ROBO2: variants seen among roughly 807,000 people sequenced by gnomAD.
ROBO2 encodes the protein roundabout guidance receptor 2.
Under a neutral mutation model 160.8 loss-of-function variants are expected in ROBO2, and 53 were observed. The observed-to-expected ratio is 0.33, with a 90% CI of 0.26 to 0.41. ROBO2 has a LOEUF of 0.41. ROBO2 is among the 10% of genes least tolerant of loss of function. The pLI is 1.00. For synonymous variants in ROBO2, 664 were observed against 611.7 expected, an observed-to-expected ratio of 1.09 and a Z score of -1.26; for missense variants, 1,577 against 1,722.4, an observed-to-expected ratio of 0.92 and a Z score of 1.49.
At chr3:76,840,354 A>G (rs913300713) in intron 2 of ROBO2, among the ~76,000 whole-genome samples, 1 of 151,878 alleles carries the variant, frequency 6.6e-6, no homozygotes, top group Non-Finnish European at 1.5e-5. Flanking sequence ...TCATACCTGT[A>G]ATCCCAGCAC....
At chr3:77,508,236 A>T (rs1395519818) in intron 5 of ROBO2, among the ~76,000 whole-genome samples, 1 of 150,512 alleles carries the variant, frequency 6.6e-6, no homozygotes, top group South Asian at 2.1e-4. Context: ...AATGTTGCAA[A>T]GATATCTTTA....
At chr3:77,548,461 A>G (rs761967638) in intron 7 of ROBO2, among the ~76,000 whole-genome samples, 1 of 152,028 alleles carries the variant, frequency 6.6e-6, no homozygotes, top group Non-Finnish European at 1.5e-5. Flanking sequence ...GTGACTTGTT[A>G]TTATATAGCT....
chr3:76,438,806 T>C lies in ROBO2; in HGVS notation c.109+501204T>C, dbSNP rs148181923. Among the ~76,000 whole-genome samples the C allele has an allele frequency of 7.2e-5, 11 of 152,180 alleles. No individual in the cohort carries two copies. In the East Asian group the frequency reaches 1.2e-3, roughly 16 times the overall value. ...TTATCAACTATGCTTTATTTAAATATATACATTCAATGAATAAAGAAAATT... is the reference window on the plus strand; with the variant it reads ...TTATCAACTATGCTTTATTTAAATACATACATTCAATGAATAAAGAAAATT... On this transcript the variant is annotated intron_variant, in intron 2 of 26. Transcript: ENST00000487694.
chr3:76,184,991 A>G (rs1181238825), intron 2 of ROBO2, among the ~76,000 whole-genome samples: 1 of 151,660 alleles, frequency 6.6e-6, no homozygotes, highest in African/African-American at 2.4e-5. Flanking sequence ...TTCATATGCT[A>G]GTCTCCTCTG....
At chr3:76,951,280 C>A (rs191514728) in intron 2 of ROBO2, among the ~76,000 whole-genome samples, 1 of 152,222 alleles carries the variant, frequency 6.6e-6, no homozygotes, top group African/African-American at 2.4e-5. Flanking sequence ...CTTTCCAACA[C>A]ATTTGTACTC....
intron 2 of ROBO2, among the ~76,000 whole-genome samples, chr3:76,274,070 AG>A (rs1185143534): frequency 6.6e-6 from 1 of 152,218 alleles, no homozygotes; most frequent in Non-Finnish European, 1.5e-5. Context: ...CACTTCTTAA[AG>A]GTACCAACTC....
chr3:76,365,741 A>G (rs1239307044), intron 2 of ROBO2, among the ~76,000 whole-genome samples: 1 of 152,076 alleles, frequency 6.6e-6, no homozygotes, highest in Non-Finnish European at 1.5e-5. Context: ...ATTAAATTGA[A>G]TCTTTGAGCT....
At chr3:76,239,564 T>G (rs1705166094) in intron 2 of ROBO2, among the ~76,000 whole-genome samples, 2 of 152,266 alleles carry the variant, frequency 1.3e-5, no homozygotes, top group African/African-American at 4.8e-5. Flanking sequence ...TCTCTTGACC[T>G]TGGGCACATG....
At chr3:77,307,238 G>A (rs941962269) in intron 2 of ROBO2, among the ~76,000 whole-genome samples, 13 of 152,122 alleles carry the variant, frequency 8.5e-5, no homozygotes, top group Non-Finnish European at 1.6e-4. Context: ...CTGGTGAGTT[G>A]TCTCTGACCA....
intron 2 of ROBO2, among the ~76,000 whole-genome samples, chr3:76,906,370 C>A (rs1019388883): frequency 1.3e-5 from 2 of 151,650 alleles, no homozygotes; most frequent in Non-Finnish European, 2.9e-5. Context: ...CATAAAATAA[C>A]TTTAATAAAA....
At chr3:77,265,175 C>T (rs1219764736) in intron 2 of ROBO2, among the ~76,000 whole-genome samples, 2 of 152,110 alleles carry the variant, frequency 1.3e-5, no homozygotes, top group East Asian at 1.9e-4. Context: ...AAAAGAAGGG[C>T]AGGTATCACA....
At chr3:77,616,602 G>A (rs1583304623) in intron 21 of ROBO2, among the ~76,000 whole-genome samples, 1 of 152,142 alleles carries the variant, frequency 6.6e-6, no homozygotes, top group East Asian at 1.9e-4. Flanking sequence ...GTATTTAAGA[G>A]GCTGAATGTA....
At chr3:76,518,113 T>G (rs1484507856) in intron 2 of ROBO2, among the ~76,000 whole-genome samples, 1 of 152,092 alleles carries the variant, frequency 6.6e-6, no homozygotes, top group African/African-American at 2.4e-5. Context: ...CTGTGTCAGT[T>G]AGATATTGTC....
At chr3:77,355,724 CTT>C (rs1169255206) in intron 2 of ROBO2, among the ~76,000 whole-genome samples, 2 of 151,946 alleles carry the variant, frequency 1.3e-5, no homozygotes, top group African/African-American at 2.4e-5. Flanking sequence ...TGAAGAAAAA[CTT>C]ATTCATCAAA....
intron 2 of ROBO2, among the ~76,000 whole-genome samples, chr3:77,000,952 A>G (rs1024496730): frequency 1.3e-5 from 2 of 152,278 alleles, no homozygotes; most frequent in Admixed American, 6.5e-5. Flanking sequence ...ATGACATGCT[A>G]TGAGTCTTAA....
chr3:77,407,923 C>T (rs998345373), intron 2 of ROBO2, among the ~76,000 whole-genome samples: 4 of 152,072 alleles, frequency 2.6e-5, no homozygotes, highest in Admixed American at 6.6e-5. Context: ...GTTCACTTTA[C>T]GTGTTACTAA....
intron 2 of ROBO2, among the ~76,000 whole-genome samples, chr3:76,526,975 T>G (rs969196515): frequency 4.6e-5 from 7 of 152,098 alleles, no homozygotes; most frequent in Admixed American, 4.6e-4. Context: ...CACAATGATG[T>G]ATGTTGTTAA....
intron 2 of ROBO2, among the ~76,000 whole-genome samples, chr3:76,152,708 T>C (rs1192907616): frequency 6.6e-6 from 1 of 152,156 alleles, no homozygotes; most frequent in Non-Finnish European, 1.5e-5. Context: ...GGAAGGTATA[T>C]GAAGATCTTT....
chr3:77,455,204 G>A (rs187531292), intron 2 of ROBO2, among the ~76,000 whole-genome samples: 353 of 152,230 alleles, frequency 2.3e-3, no homozygotes, highest in Non-Finnish European at 4.1e-3. Flanking sequence ...TTTGATTAAT[G>A]AGAGAACATT....
Sources: allele counts gnomAD v4.1 joint callset (sites outside exome capture counted in the v4.1 genomes callset), GRCh38; gene constraint gnomAD v4.1.1; transcripts MANE v1.5; gene names NCBI Gene and HGNC (gene_info 2026-07-23, HGNC 2026-07-21).